The following TLR6 variants were observed in gnomAD, a reference collection of about 807,000 sequenced individuals.
TLR6 encodes the protein toll-like receptor 6.
Under a neutral mutation model 16.1 loss-of-function variants are expected in TLR6, and 9 were observed. The observed-to-expected ratio is 0.56, with a 90% CI of 0.34 to 0.98. TLR6 has a LOEUF of 0.98. TLR6 is among the 50% of genes least tolerant of loss of function. The probability of loss-of-function intolerance (pLI) is 0.02; values close to 1 mark genes in which losing one functional copy is unlikely to be tolerated. For missense variants in TLR6, 786 were observed against 921.0 expected, an observed-to-expected ratio of 0.85 and a Z score of 1.90; for synonymous variants, 340 against 338.6, an observed-to-expected ratio of 1.00 and a Z score of -0.04.
At chr4:38,851,431 A>G (rs1310768194) in intron 1 of TLR6, among the ~76,000 whole-genome samples, 1 of 152,212 alleles carries the variant, frequency 6.6e-6, no homozygotes, top group Non-Finnish European at 1.5e-5. Flanking sequence ...CAATTAGGAA[A>G]AGAGGAAGTC....
At chr4:38,853,269 T>C (rs1579261468) in intron 1 of TLR6, among the ~76,000 whole-genome samples, 1 of 148,728 alleles carries the variant, frequency 6.7e-6, no homozygotes, top group African/African-American at 2.5e-5. Flanking sequence ...TTAGGAGATA[T>C]ACGTAATGTA....
At chr4:38,837,772 A>G (rs982958069) in intron 1 of TLR6, among the ~76,000 whole-genome samples, 1 of 152,212 alleles carries the variant, frequency 6.6e-6, no homozygotes. Context: ...AAAAACTTCT[A>G]CACAGCACAG....
At chr4:38,862,953 A>C in the TLR6 span, among the ~76,000 whole-genome samples, 1 of 149,392 alleles carries the variant, frequency 6.7e-6, no homozygotes, top group Non-Finnish European at 1.5e-5. Context: ...AAAAAAAAAA[A>C]ACTCCCTTTG....
At chr4:38,865,804 C>T in the TLR6 span, among the ~76,000 whole-genome samples, 16 of 152,282 alleles carry the variant, frequency 1.1e-4, 1 homozygote, top group Admixed American at 1.0e-3. Flanking sequence ...CAGTTTCCAC[C>T]CACTCTCACA....
chr4:38,867,477 G>C, the TLR6 span, among the ~76,000 whole-genome samples: 1 of 152,170 alleles, frequency 6.6e-6, no homozygotes, highest in Admixed American at 6.5e-5. Context: ...CTGAATTTGA[G>C]CGACCTCTTC....
intron 1 of TLR6, among the ~76,000 whole-genome samples, chr4:38,840,577 T>C (rs58123022): frequency 0.089 from 13,242 of 149,434 alleles, 1,733 homozygotes; most frequent in African/African-American, 0.29. Context: ...GAGGTTGCAA[T>C]GAGCCGAGAT....
intron 1 of TLR6, among the ~76,000 whole-genome samples, chr4:38,849,375 G>A (rs1168536754): frequency 2.0e-5 from 3 of 152,134 alleles, no homozygotes; most frequent in African/African-American, 4.8e-5. Flanking sequence ...ATCAACTAAC[G>A]AGCAGAATAA....
At chr4:38,844,977 C>T (rs145464707) in intron 1 of TLR6, among the ~76,000 whole-genome samples, 2,175 of 152,166 alleles carry the variant, frequency 0.014, 42 homozygotes, top group East Asian at 0.068. Context: ...GAGAATCGTT[C>T]GAACCTGGGA....
At chr4:38,855,035 G>A (rs546303798) in intron 1 of TLR6, among the ~76,000 whole-genome samples, 11 of 152,014 alleles carry the variant, frequency 7.2e-5, no homozygotes, top group African/African-American at 2.4e-4. Flanking sequence ...GTGAAACCCC[G>A]TCTCTACTAA....
exon 2 of TLR6, chr4:38,825,403 C>T (rs917331601): frequency 6.6e-6 from 1 of 152,190 alleles, no homozygotes; most frequent in Non-Finnish European, 1.5e-5. Flanking sequence ...TTGTCTCTGT[C>T]TTCTCTATAT....
chr4:38,827,421 C>G, exon 2 of TLR6: 1 of 1,614,194 alleles, frequency 6.2e-7, no homozygotes, highest in African/African-American at 1.3e-5. Context: ...ATATTTTCCA[C>G]AATGCTCTTG....
the TLR6 span, among the ~76,000 whole-genome samples, chr4:38,866,720 G>A: frequency 7.2e-5 from 11 of 151,772 alleles, no homozygotes; most frequent in Non-Finnish European, 1.5e-4. Flanking sequence ...TCAACATCTC[G>A]CCATTTTTAT....
intron 1 of TLR6, among the ~76,000 whole-genome samples, chr4:38,848,855 G>T (rs1385465568): frequency 6.6e-6 from 1 of 152,192 alleles, no homozygotes; most frequent in Non-Finnish European, 1.5e-5. Context: ...AAAACATTCT[G>T]CAGGATGTTA....
intron 1 of TLR6, among the ~76,000 whole-genome samples, chr4:38,829,833 G>A (rs1727743190): frequency 6.6e-6 from 1 of 152,220 alleles, no homozygotes; most frequent in South Asian, 2.1e-4. Flanking sequence ...ACTTTCTCAG[G>A]GCTGGAACAG....
At chr4:38,851,205 A>T (rs1712758067) in intron 1 of TLR6, among the ~76,000 whole-genome samples, 1 of 152,236 alleles carries the variant, frequency 6.6e-6, no homozygotes, top group South Asian at 2.1e-4. Flanking sequence ...AATTCTCAAT[A>T]AATTAGGTAT....
At chr4:38,852,837 T>C (rs534168906) in intron 1 of TLR6, among the ~76,000 whole-genome samples, 9 of 152,260 alleles carry the variant, frequency 5.9e-5, no homozygotes, top group African/African-American at 2.2e-4. Context: ...TCCTCAGGGA[T>C]CTAGAACTAG....
At chr4:38,857,268 TA>T (rs1018303657), upstream of TLR6, among the ~76,000 whole-genome samples, 4 of 152,008 alleles carry the variant, frequency 2.6e-5, no homozygotes. Flanking sequence ...GGTTTTTTTT[TA>T]AAAATCAACT....
chr4:38,828,700 G>A, exon 2 of TLR6: 1 of 1,614,172 alleles, frequency 6.2e-7, no homozygotes, highest in Non-Finnish European at 8.5e-7. Context: ...TCGTTTCTAT[G>A]TGGTTGAGGG....
At chr4:38,824,062 C>G (rs556508761) in exon 2 of TLR6, 177 of 151,896 alleles carry the variant, frequency 1.2e-3, no homozygotes, top group Non-Finnish European at 1.6e-3. Flanking sequence ...GGCAGCTCAG[C>G]GTGGAACTGT....
Sources: allele counts gnomAD v4.1 joint callset (sites outside exome capture counted in the v4.1 genomes callset), GRCh38; gene constraint gnomAD v4.1.1; transcripts MANE v1.5; gene names NCBI Gene and HGNC (gene_info 2026-07-23, HGNC 2026-07-21).